The following SCN11A variants were observed in gnomAD, a reference collection of about 807,000 sequenced individuals.
SCN11A encodes the protein sodium voltage-gated channel alpha subunit 11, also known as sodium channel protein type 11 subunit alpha.
Under a neutral mutation model 162.2 loss-of-function variants are expected in SCN11A, and 122 were observed. That is an observed-to-expected ratio of 0.75 (90% confidence interval 0.65 to 0.87). The LOEUF is 0.87. Among genes scored for constraint, SCN11A ranks in the 40% least tolerant of loss-of-function variants. The pLI is 0.00. For synonymous variants in SCN11A, 758 were observed against 751.5 expected (o/e 1.01, Z -0.14); for missense variants, 2,015 against 2,181.6 (o/e 0.92, Z 1.52).
intron 17 of SCN11A, among the ~76,000 whole-genome samples, chr3:38,899,196 G>A (rs891656754): frequency 6.6e-6 from 1 of 152,124 alleles, no homozygotes; most frequent in Non-Finnish European, 1.5e-5. Context: ...TTTCTCTGTA[G>A]TCCTCTGTCT....
In SCN11A at chr3:39,001,701, C is replaced by A. The variant is rs115632613; in HGVS notation, c.-280+30679G>T. Among the ~76,000 whole-genome samples, 1,328 of 147,628 alleles carry A rather than the reference C, an allele frequency of 9.0e-3. 8 individuals carry two copies. Among genetic ancestry groups the A allele is most frequent in the Non-Finnish European group, 0.015 (1,019 of 67,328 alleles). ...GTAGCTATCTAGTTGTTACCAGCAG[C>A]ATTTGTTTAAAACAAACAAACAAAC... On this transcript the variant is annotated intron_variant, in intron 2 of 29. Transcript: ENST00000302328.
intron 7 of SCN11A, among the ~76,000 whole-genome samples, chr3:38,944,860 G>A (rs535548139): frequency 1.3e-5 from 2 of 152,128 alleles, no homozygotes; most frequent in African/African-American, 4.8e-5. Flanking sequence ...CTACTTGAGA[G>A]GCTGAGGGAA....
intron 2 of SCN11A, among the ~76,000 whole-genome samples, chr3:39,010,380 T>G (rs1378228961): frequency 8.4e-6 from 1 of 118,774 alleles, no homozygotes; most frequent in Admixed American, 7.6e-5. Context: ...TAGTTTTTCT[T>G]TTTTCTTTTT....
intron 7 of SCN11A, among the ~76,000 whole-genome samples, chr3:38,932,527 G>A (rs536275508): frequency 1.5e-3 from 229 of 152,286 alleles, no homozygotes; most frequent in African/African-American, 5.3e-3. Flanking sequence ...CCAATACTGC[G>A]CTTTTCCGAC....
At chr3:38,946,370 T>C (rs889152030) in intron 6 of SCN11A, among the ~76,000 whole-genome samples, 1 of 152,156 alleles carries the variant, frequency 6.6e-6, no homozygotes, top group Non-Finnish European at 1.5e-5. Context: ...TTAGAAAGTG[T>C]TTTTCAAAGT....
intron 17 of SCN11A, 106 bp downstream of exon 17, chr3:38,899,788 G>A: frequency 1.2e-6 from 1 of 867,946 alleles, no homozygotes; most frequent in Non-Finnish European, 1.8e-6. Flanking sequence ...CTGGGGTTAA[G>A]GTAAGATAAA....
At chr3:39,034,743 T>C (rs2031859461) in intron 1 of SCN11A, among the ~76,000 whole-genome samples, 1 of 152,184 alleles carries the variant, frequency 6.6e-6, no homozygotes, top group Admixed American at 6.5e-5. Flanking sequence ...TTAGAACTGA[T>C]AAACAAATTC....
At chr3:38,947,795 A>G (rs955966481) in intron 5 of SCN11A, among the ~76,000 whole-genome samples, 1 of 152,230 alleles carries the variant, frequency 6.6e-6, no homozygotes, top group African/African-American at 2.4e-5. Flanking sequence ...ACTGTAATCT[A>G]GCTGTCCCCA....
chr3:38,910,010 G>A, intron 12 of SCN11A, 56 bp downstream of exon 12: 1 of 1,530,090 alleles, frequency 6.5e-7, no homozygotes, highest in South Asian at 1.2e-5. Context: ...GATAGAGGGG[G>A]AAGGAAAAGG....
chr3:38,982,868 C>T (rs2030111440), intron 2 of SCN11A, among the ~76,000 whole-genome samples: 1 of 152,094 alleles, frequency 6.6e-6, no homozygotes, highest in South Asian at 2.1e-4. Context: ...CCTTGGTTTC[C>T]ACATCTGCGA....
At chr3:38,899,501 C>T (rs1476735978) in intron 17 of SCN11A, among the ~76,000 whole-genome samples, 2 of 152,166 alleles carry the variant, frequency 1.3e-5, no homozygotes, top group Non-Finnish European at 2.9e-5. Context: ...TCTTTGCCCC[C>T]CTTGGCGAGC....
Position 38,871,595 on chromosome 3 carries a change from T to A in SCN11A, c.3609A>T (p.Lys1203Asn). The change falls in exon 25 of 30, where the codon AAA becomes AAT. Residue 1203 changes from lysine to asparagine, a missense_variant. Coordinates refer to ENST00000302328, the MANE Select transcript of SCN11A (RefSeq NM_001349253.2). ...CILGVYFFSG[K>N]FGKCINGTDS... ...CTGTTCCATTAATGCATTTCCCAAA[T>A]TTTCCAGAAAAGAAGTATACTCCCA... 6.2e-7 allele frequency: 1 copy of A among 1,613,082 alleles called. No individual in the cohort carries two copies. Among genetic ancestry groups the A allele is most frequent in the Non-Finnish European group, 8.5e-7 (1 of 1,179,382 alleles).
At chr3:39,046,369 G>C (rs1050447637) in intron 1 of SCN11A, among the ~76,000 whole-genome samples, 3 of 151,954 alleles carry the variant, frequency 2.0e-5, no homozygotes, top group Admixed American at 2.0e-4. Context: ...AAATTGAAGA[G>C]GACATACACA....
intron 28 of SCN11A, among the ~76,000 whole-genome samples, chr3:38,862,352 T>C (rs910160915): frequency 6.6e-6 from 1 of 152,138 alleles, no homozygotes; most frequent in Non-Finnish European, 1.5e-5. Context: ...GATCCAAAAG[T>C]AGAACTACTA....
chr3:38,852,898 G>A (rs1207739979), intron 28 of SCN11A, among the ~76,000 whole-genome samples: 3 of 152,190 alleles, frequency 2.0e-5, no homozygotes, highest in African/African-American at 7.2e-5. Context: ...CAAGATAAAC[G>A]TGCAGTGTTA....
chr3:38,917,926 T>C (rs1208146551), intron 11 of SCN11A, among the ~76,000 whole-genome samples: 1 of 152,182 alleles, frequency 6.6e-6, no homozygotes, highest in African/African-American at 2.4e-5. Flanking sequence ...ATACCCAAGT[T>C]TGACTGCTGT....
chr3:39,042,957 C>CAAAAAAAAAAAAAAAAAAAAA (rs561204433), intron 1 of SCN11A, among the ~76,000 whole-genome samples: 11 of 66,014 alleles, frequency 1.7e-4, no homozygotes, highest in South Asian at 6.8e-4. Flanking sequence ...AACTCCATCT[C>CAAAAAAAAAAAAAAAAAAAAA]AAAAAAAAAA....
chr3:38,924,804 C>T (rs967907355), intron 9 of SCN11A, among the ~76,000 whole-genome samples: 2 of 152,046 alleles, frequency 1.3e-5, no homozygotes, highest in Non-Finnish European at 2.9e-5. Flanking sequence ...CAACTGTACC[C>T]GGCCCCCCCT....
chr3:38,864,271 T>C (rs2065009289), intron 27 of SCN11A, among the ~76,000 whole-genome samples: 2 of 152,160 alleles, frequency 1.3e-5, no homozygotes, highest in South Asian at 2.1e-4. Context: ...GGTTTGGGGT[T>C]TGACTTTACT....
Sources: gnomAD v4.1 joint callset for allele counts (sites outside exome capture counted in the v4.1 genomes callset) on GRCh38, gnomAD v4.1.1 for gene constraint, MANE v1.5 for transcripts, NCBI Gene and HGNC (gene_info 2026-07-23, HGNC 2026-07-21) for gene names.